Variants in KIF1C observed in about 807,000 individuals in gnomAD.
KIF1C encodes kinesin-like protein KIF1C.
KIF1C carries 61 observed loss-of-function variants against 126.5 expected under a neutral mutation model. The ratio of observed to expected loss-of-function variants is 0.48; its 90% CI spans 0.39 to 0.60. The LOEUF is 0.60. Ranked by LOEUF, KIF1C falls within the 20% of genes least tolerant of loss-of-function variation. The pLI, the probability that KIF1C is intolerant of heterozygous loss-of-function variation, is 0.00. For missense variants in KIF1C, 1,315 were observed against 1,489.2 expected, an observed-to-expected ratio of 0.88 and a Z score of 1.93; for synonymous variants, 640 against 580.6, an observed-to-expected ratio of 1.10 and a Z score of -1.47.
chr17:5,023,581 C>A lies in KIF1C; in HGVS notation c.2742C>A (p.Pro914=). 1 of 1,613,550 alleles carries A rather than the reference C, an allele frequency of 6.2e-7. No individual in the cohort carries two copies. ...PSDRMPSARP[P]SPPLSSWERV... ...ACCGCATGCCGTCAGCCCGGCCCCCCTCGCCACCACTGTCAAGCTGGGAGC... is the reference window on the plus strand; with the variant it reads ...ACCGCATGCCGTCAGCCCGGCCCCCATCGCCACCACTGTCAAGCTGGGAGC... The change falls in exon 23 of 23, where the codon CCC becomes CCA. Residue 914 remains proline (P), a synonymous_variant. Transcript: ENST00000320785. The surrounding 1 kb of genome is among the most constrained non-coding windows in gnomAD (Gnocchi z 4.2).
At position 5,027,027 on chromosome 17, in the gene KIF1C, G is replaced by A. The variant is rs1471905982; in HGVS notation, c.*2876G>A. On this transcript the variant is annotated 3_prime_UTR_variant, in exon 23 of 23. Transcript: ENST00000320785. ...ATTTTTCATCTGTGCTACCTGTGCC[G>A]GCATTCCATATGCATTTGATTTAGT... 3.3e-5 allele frequency: 5 copies of A among 152,186 alleles called. No homozygotes were observed. Among genetic ancestry groups the A allele is most frequent in the South Asian group, 2.1e-4 (1 of 4,822 alleles). The allele number at this position is 152,186 out of a possible 1,614,324, so 9.4% of individuals were successfully genotyped here. A position where few individuals can be genotyped will look rare whatever the true frequency, so the allele number is the denominator to read the frequency against.
chr17:5,007,875 A>T (rs1464769546), intron 16 of KIF1C, among the ~76,000 whole-genome samples: 1 of 152,222 alleles, frequency 6.6e-6, no homozygotes, highest in East Asian at 1.9e-4. Context: ...ATTTTTCAGA[A>T]GGATAACTTG....
At chr17:5,004,744 T>G in intron 12 of KIF1C, 99 bp downstream of exon 12, 9 of 1,587,830 alleles carry the variant, frequency 5.7e-6, no homozygotes, top group Non-Finnish European at 7.8e-6. Context: ...ACGGGGGAGA[T>G]GCCGGAGCCT....
chr17:5,007,604 C>T (rs867707363), intron 16 of KIF1C, 62 bp downstream of exon 16: 8 of 1,393,272 alleles, frequency 5.7e-6, no homozygotes, highest in Middle Eastern at 2.1e-4. Flanking sequence ...AAAGAGGCAG[C>T]AGGTGCAGGG....
Position 5,002,071 on chromosome 17 carries a change from C to T in KIF1C, c.376C>T (p.Leu126Phe), listed in dbSNP as rs778878542. 4 of 1,614,086 alleles carry T rather than the reference C, an allele frequency of 2.5e-6. No homozygotes were observed. Among genetic ancestry groups the T allele is most frequent in the Non-Finnish European group, 2.5e-6 (3 of 1,179,950 alleles). The change falls in exon 6 of 23, where the codon CTC becomes TTC. Residue 126 changes from leucine to phenylalanine, a missense_variant. Physicochemically the swap from Leu to Phe is conservative, Grantham distance 22. Around this residue, in one of 2 missense-constraint regions of KIF1C, gnomAD observed 874 missense variants for 1,053.2 expected, o/e 0.83. Coordinates refer to ENST00000320785, the MANE Select transcript of KIF1C (RefSeq NM_006612.6). Reference protein sequence around the residue: ...QGIVPQLCEDLFSRVSENQSA... With the variant: ...QGIVPQLCEDFFSRVSENQSA... ...TGTCCCCCTCCAGCTCTGTGAGGAC[C>T]TCTTCTCTCGCGTTAGTGAGAACCA... is the stretch of plus-strand genomic sequence containing the variant.
At chr17:5,002,880 A>G (rs1567720469) in intron 8 of KIF1C, 38 bp downstream of exon 8, 1 of 1,416,554 alleles carries the variant, frequency 7.1e-7, no homozygotes, top group South Asian at 1.2e-5. Flanking sequence ...CACCGGATGC[A>G]ACCTCCCCTG....
intron 13 of KIF1C, among the ~76,000 whole-genome samples, chr17:5,006,566 C>T (rs1225821311): frequency 1.3e-5 from 2 of 152,076 alleles, no homozygotes; most frequent in East Asian, 3.9e-4. Context: ...GAACTCCTGA[C>T]CTCAGGTGAT....
chr17:5,021,516 G>T (rs1387117228), intron 21 of KIF1C, among the ~76,000 whole-genome samples: 1 of 151,606 alleles, frequency 6.6e-6, no homozygotes, highest in East Asian at 2.0e-4. Context: ...ATCTTGCTCT[G>T]TCACCCTGGC....
At chr17:5,007,412 AG>A (rs750876498) in intron 15 of KIF1C, 54 bp from the exon 16 acceptor site, 36 of 1,611,100 alleles carry the variant, frequency 2.2e-5, no homozygotes, top group Non-Finnish European at 2.9e-5. Flanking sequence ...CCCACAGGGA[AG>A]GAGGTCACGG....
At chr17:5,010,769 A>G (rs942974341) in intron 16 of KIF1C, among the ~76,000 whole-genome samples, 1 of 151,754 alleles carries the variant, frequency 6.6e-6, no homozygotes, top group Non-Finnish European at 1.5e-5. Context: ...TTTTTTTTTA[A>G]TCTATATTGC....
At chr17:5,021,274 G>T (rs1975086926) in intron 21 of KIF1C, among the ~76,000 whole-genome samples, 1 of 140,846 alleles carries the variant, frequency 7.1e-6, no homozygotes, top group South Asian at 2.4e-4. Flanking sequence ...CTGGGTTCAA[G>T]CGATTCTCAT....
rs238237 is a variant in KIF1C at position 4,999,663 on chromosome 17, G to A, written c.-148-187G>A. 0.79 allele frequency among the ~76,000 whole-genome samples: 120,696 copies of A among 152,034 alleles called. 48,759 individuals are homozygous for A. The highest frequency in any genetic ancestry group is 0.91 in the African/African-American group (37,774 of 41,484). ...CTATCTGAACGTTCAGTACATTTGC[G>A]AGTGACAAGGAATAAAAATATCACC... On this transcript the variant is annotated intron_variant, in intron 1 of 22. Transcript: ENST00000320785.
At position 5,005,275 on chromosome 17, in the gene KIF1C, T is replaced by A. The variant is rs367788376; in HGVS notation, c.1165+275T>A. Reference sequence around the variant, plus strand: ...TGACTGTTACAGGAAAAAATGGCAATATATGCTTACAGGTCAAACAGTAAA... The same window carrying A: ...TGACTGTTACAGGAAAAAATGGCAAAATATGCTTACAGGTCAAACAGTAAA... On this transcript the variant is annotated intron_variant, in intron 13 of 22. Transcript: ENST00000320785. 5.3e-5 allele frequency among the ~76,000 whole-genome samples: 8 copies of A among 152,322 alleles called. No individual in the cohort carries two copies. In the East Asian group the frequency reaches 1.3e-3, roughly 26 times the overall value.
At chr17:5,007,728 C>T (rs753012683) in intron 16 of KIF1C, among the ~76,000 whole-genome samples, 186 bp downstream of exon 16, 10 of 152,180 alleles carry the variant, frequency 6.6e-5, no homozygotes, top group Non-Finnish European at 1.3e-4. Flanking sequence ...CCTGCCTTCT[C>T]CCTTCAGCCA....
At chr17:5,001,507 G>A in intron 5 of KIF1C, 106 bp downstream of exon 5, 1 of 1,138,864 alleles carries the variant, frequency 8.8e-7, no homozygotes, top group Non-Finnish European at 1.2e-6. Context: ...ACCTGGCTCT[G>A]AGGCCATTGG....
rs1251867755 is a variant in KIF1C, at chr17:5,027,331, T to C, written c.*3180T>C. ...CTTTAGTAGAGACAGGGTTTCACTA[T>C]GTTGTCCAAGCTGGTTTCGAATTCC... On this transcript the variant is annotated 3_prime_UTR_variant, in exon 23 of 23. Transcript: ENST00000320785. The C allele has an allele frequency of 6.6e-6, 1 of 152,216 alleles. No homozygotes were observed. Among genetic ancestry groups the C allele is most frequent in the Non-Finnish European group, 1.5e-5 (1 of 68,048 alleles). 9.4% of individuals were successfully genotyped at this position (152,216 alleles called of 1,614,324 possible).
At chr17:5,012,021 G>A (rs1394176870) in intron 16 of KIF1C, 1 of 152,126 alleles carries the variant, frequency 6.6e-6, no homozygotes, top group East Asian at 1.9e-4. Flanking sequence ...TCAACCCCCT[G>A]GGAACAAATG....
chr17:5,015,555 A>G (rs9895331), intron 18 of KIF1C, among the ~76,000 whole-genome samples: 7,025 of 129,474 alleles, frequency 0.054, 224 homozygotes, highest in East Asian at 0.24. Context: ...AAGTGCTGGG[A>G]TTACAGGCGT....
Position 5,023,391 on chromosome 17 carries a change from G to T in KIF1C, c.2629-77G>T, listed in dbSNP as rs1338399063. ...ACCCTTTGACATCCAGCCACTCCAG[G>T]TCCCTCTTGAATCCACATGTCCTGA... On this transcript the variant is annotated intron_variant, in intron 22 of 22. Transcript: ENST00000320785. The surrounding 1 kb of genome is among the most constrained non-coding windows in gnomAD (Gnocchi z 4.2). 7.3e-6 allele frequency: 9 copies of T among 1,240,258 alleles called. No individual in the cohort carries two copies. Among genetic ancestry groups the T allele is most frequent in the Non-Finnish European group, 1.0e-5 (9 of 871,078 alleles). 76.8% of individuals were successfully genotyped at this position (1,240,258 alleles called of 1,614,324 possible). A position where few individuals can be genotyped will look rare whatever the true frequency, so the allele number is the denominator to read the frequency against.
Sources: allele counts gnomAD v4.1 joint callset (sites outside exome capture counted in the v4.1 genomes callset), GRCh38; gene constraint gnomAD v4.1.1; regional missense constraint gnomAD v4.1.1; non-coding constraint Gnocchi (gnomAD v3.1); transcripts MANE v1.5; gene names NCBI Gene and HGNC (gene_info 2026-07-23, HGNC 2026-07-21).